The following FRMD4A variants were observed in gnomAD, a reference collection of about 807,000 sequenced individuals.
The protein encoded by FRMD4A is FERM domain-containing protein 4A.
Under a neutral mutation model 129.1 loss-of-function variants are expected in FRMD4A, and 29 were observed. That is an observed-to-expected ratio of 0.22 (90% CI 0.17 to 0.31). The LOEUF (loss-of-function observed/expected upper bound fraction) is 0.31, where lower values mean the gene tolerates loss of function less well. FRMD4A is among the 10% of genes least tolerant of loss of function. FRMD4A has a pLI of 1.00. For synonymous variants in FRMD4A, 634 were observed against 571.6 expected (o/e 1.11, Z -1.56); for missense variants, 1,272 against 1,375.8 (o/e 0.92, Z 1.19).
At chr10:14,298,401 A>G (rs539455499) in intron 2 of FRMD4A, among the ~76,000 whole-genome samples, 3 of 152,306 alleles carry the variant, frequency 2.0e-5, no homozygotes, top group South Asian at 4.1e-4. Context: ...GCACAATGAA[A>G]AAAACAATGC....
Position 14,023,141 on chromosome 10 carries a change from C to T in FRMD4A, c.46-164229G>A, listed in dbSNP as rs558831004. The stretch of plus-strand genomic sequence containing the variant: ...AAGTCATGACCCTGGCCATGAATCT[C>T]CCATCCCTGGAAACCCAGAAGGACG... On this transcript the variant is annotated intron_variant, in intron 2 of 24. Coordinates refer to ENST00000357447, the MANE Select transcript of FRMD4A (RefSeq NM_018027.5). Among the ~76,000 whole-genome samples the T allele has an allele frequency of 9.2e-5, 14 of 152,150 alleles. No individual in the cohort carries two copies. The South Asian group carries it at 2.3e-3, about 25-fold the overall frequency.
At chr10:14,072,590 T>A (rs572810708) in intron 2 of FRMD4A, among the ~76,000 whole-genome samples, 4 of 152,328 alleles carry the variant, frequency 2.6e-5, no homozygotes, top group East Asian at 3.9e-4. Flanking sequence ...ATGCTCTCAT[T>A]TCCAGCAAGA....
At chr10:13,949,526 A>G (rs112778879) in intron 2 of FRMD4A, among the ~76,000 whole-genome samples, 9 of 152,332 alleles carry the variant, frequency 5.9e-5, no homozygotes, top group African/African-American at 2.2e-4. Flanking sequence ...ATCTAGGCCC[A>G]TACTTAATCA....
chr10:14,104,278 G>A (rs964555973), intron 2 of FRMD4A, among the ~76,000 whole-genome samples: 9 of 151,600 alleles, frequency 5.9e-5, no homozygotes, highest in African/African-American at 2.2e-4. Context: ...CCGCCATTGA[G>A]GTCTACACTG....
chr10:14,329,778 A>C (rs964381298), intron 2 of FRMD4A, among the ~76,000 whole-genome samples: 1 of 152,200 alleles, frequency 6.6e-6, no homozygotes, highest in Non-Finnish European at 1.5e-5. Context: ...GCATCCTAGC[A>C]ATCTATTTCG....
intron 2 of FRMD4A, among the ~76,000 whole-genome samples, chr10:14,259,961 C>A (rs995164938): frequency 6.7e-6 from 1 of 150,052 alleles, no homozygotes; most frequent in Admixed American, 6.6e-5. Flanking sequence ...ATGCAATACT[C>A]ACGTCTTCAG....
At chr10:14,120,683 A>C (rs1838458362) in intron 2 of FRMD4A, among the ~76,000 whole-genome samples, 1 of 151,858 alleles carries the variant, frequency 6.6e-6, no homozygotes, top group Non-Finnish European at 1.5e-5. Flanking sequence ...GAGGGGGAAA[A>C]CCTGGGATCA....
At chr10:14,295,968 T>C (rs1845994924) in intron 2 of FRMD4A, among the ~76,000 whole-genome samples, 1 of 152,194 alleles carries the variant, frequency 6.6e-6, no homozygotes, top group African/African-American at 2.4e-5. Context: ...TGACTCTCTT[T>C]GCCTAGGTGC....
intron 2 of FRMD4A, among the ~76,000 whole-genome samples, chr10:14,207,096 G>A (rs1228937912): frequency 6.6e-6 from 1 of 152,054 alleles, no homozygotes; most frequent in African/African-American, 2.4e-5. Context: ...ATGTTCCAAA[G>A]AGGGAAATGG....
chr10:14,226,777 G>T (rs1235514260), intron 2 of FRMD4A, among the ~76,000 whole-genome samples: 2 of 152,122 alleles, frequency 1.3e-5, no homozygotes, highest in African/African-American at 4.8e-5. Context: ...CCTCACGAGG[G>T]TCTCTCGGTC....
At chr10:14,227,173 T>TG (rs761232590) in intron 2 of FRMD4A, among the ~76,000 whole-genome samples, 1 of 151,798 alleles carries the variant, frequency 6.6e-6, no homozygotes, top group African/African-American at 2.4e-5. Flanking sequence ...TGGAGCACTC[T>TG]GGTTCAGGTT....
chr10:14,006,384 T>G (rs2095662244), intron 2 of FRMD4A, among the ~76,000 whole-genome samples: 1 of 152,192 alleles, frequency 6.6e-6, no homozygotes, highest in African/African-American at 2.4e-5. Context: ...ACATACCCAA[T>G]AACAGACATG....
intron 2 of FRMD4A, among the ~76,000 whole-genome samples, chr10:14,282,989 G>A (rs535619102): frequency 1.3e-5 from 2 of 152,236 alleles, no homozygotes; most frequent in East Asian, 1.9e-4. Flanking sequence ...AAAGTGCATC[G>A]CTCCAGAAAG....
chr10:14,256,332 G>A (rs1844613586), intron 2 of FRMD4A, among the ~76,000 whole-genome samples: 1 of 152,150 alleles, frequency 6.6e-6, no homozygotes, highest in Non-Finnish European at 1.5e-5. Flanking sequence ...TGGCATGACT[G>A]TAATTCAAAA....
chr10:14,230,219 C>T (rs11258956), intron 2 of FRMD4A, among the ~76,000 whole-genome samples: 5 of 152,142 alleles, frequency 3.3e-5, no homozygotes, highest in African/African-American at 7.2e-5. Context: ...CCCTCTCCCC[C>T]CTAGCATCTT....
chr10:14,149,633 G>A (rs1437704589), intron 2 of FRMD4A, among the ~76,000 whole-genome samples: 1 of 152,152 alleles, frequency 6.6e-6, no homozygotes, highest in Non-Finnish European at 1.5e-5. Context: ...GCCTCCCAAA[G>A]CACTGGAATT....
intron 2 of FRMD4A, among the ~76,000 whole-genome samples, chr10:14,090,047 C>T (rs1836569163): frequency 6.6e-6 from 1 of 152,190 alleles, no homozygotes. Flanking sequence ...AAACAGCATG[C>T]TGAAATAGTA....
intron 12 of FRMD4A, among the ~76,000 whole-genome samples, chr10:13,726,296 A>G (rs1332525188): frequency 1.3e-5 from 2 of 152,110 alleles, no homozygotes; most frequent in East Asian, 3.9e-4. Flanking sequence ...CAAAAACAAA[A>G]CAAAACAAAA....
chr10:13,830,371 G>A (rs1282384180), intron 3 of FRMD4A, among the ~76,000 whole-genome samples: 2 of 152,196 alleles, frequency 1.3e-5, no homozygotes, highest in Non-Finnish European at 2.9e-5. Flanking sequence ...TTGGGAAGGC[G>A]ACAGCGTTAG....
Sources: gnomAD v4.1 joint callset for allele counts (sites outside exome capture counted in the v4.1 genomes callset) on GRCh38, gnomAD v4.1.1 for gene constraint, MANE v1.5 for transcripts, NCBI Gene and HGNC (gene_info 2026-07-23, HGNC 2026-07-21) for gene names.